The following TGFB2 variants were observed in gnomAD, a reference collection of about 807,000 sequenced individuals.
TGFB2 encodes transforming growth factor beta 2.
Under a neutral mutation model 42.7 loss-of-function variants are expected in TGFB2, and 13 were observed. That is an observed-to-expected ratio of 0.30 (90% confidence interval 0.20 to 0.48). The LOEUF (loss-of-function observed/expected upper bound fraction) is 0.48. Among genes scored for constraint, TGFB2 ranks in the 20% least tolerant of loss-of-function variants. The pLI, the probability that TGFB2 is intolerant of heterozygous loss-of-function variation, is 0.99. For missense variants in TGFB2, 390 were observed against 517.5 expected (o/e 0.75, Z 2.39); for synonymous variants, 193 against 193.6 (o/e 1.00, Z 0.03).
chr1:218,389,357 A>G (rs1231604415), intron 1 of TGFB2, among the ~76,000 whole-genome samples: 1 of 152,144 alleles, frequency 6.6e-6, no homozygotes, highest in African/African-American at 2.4e-5. Flanking sequence ...AAGATGACAG[A>G]TTCAGTATCT....
At chr1:218,376,350 G>A (rs904191706) in intron 1 of TGFB2, among the ~76,000 whole-genome samples, 1 of 152,116 alleles carries the variant, frequency 6.6e-6, no homozygotes, top group Non-Finnish European at 1.5e-5. Context: ...TTCACTTTAA[G>A]CTCTGCCTGG....
At chr1:218,396,946 T>G (rs1658531707) in intron 1 of TGFB2, among the ~76,000 whole-genome samples, 1 of 152,192 alleles carries the variant, frequency 6.6e-6, no homozygotes, top group Non-Finnish European at 1.5e-5. Flanking sequence ...CTTACTCTTT[T>G]TTTCTAGGTA....
intron 1 of TGFB2, among the ~76,000 whole-genome samples, chr1:218,366,474 T>TA (rs758194968): frequency 5.1e-4 from 77 of 151,150 alleles, no homozygotes; most frequent in African/African-American, 6.1e-4. Flanking sequence ...ACTGGCTAAT[T>TA]AAAAAAAAAA....
chr1:218,422,674 G>A (rs983276204), intron 2 of TGFB2, among the ~76,000 whole-genome samples: 2 of 152,092 alleles, frequency 1.3e-5, no homozygotes, highest in East Asian at 1.9e-4. Flanking sequence ...TAGATGCCCT[G>A]CCTGTAACAT....
intron 1 of TGFB2, among the ~76,000 whole-genome samples, chr1:218,368,585 G>T (rs774655913): frequency 4.6e-5 from 7 of 152,242 alleles, no homozygotes; most frequent in Non-Finnish European, 8.8e-5. Flanking sequence ...TAAGAATTTA[G>T]AATTGGATAA....
chr1:218,386,003 G>C (rs1175389592), intron 1 of TGFB2, among the ~76,000 whole-genome samples: 1 of 152,110 alleles, frequency 6.6e-6, no homozygotes. Flanking sequence ...CCTGTCATAA[G>C]ATCCTGGCTA....
intron 1 of TGFB2, among the ~76,000 whole-genome samples, chr1:218,349,582 T>C (rs565768228): frequency 2.0e-5 from 3 of 152,328 alleles, no homozygotes; most frequent in African/African-American, 4.8e-5. Context: ...CATCAACTTA[T>C]TAGCGTTCAG....
chr1:218,422,378 C>T (rs139062863), intron 2 of TGFB2, among the ~76,000 whole-genome samples: 1 of 152,042 alleles, frequency 6.6e-6, no homozygotes, highest in East Asian at 1.9e-4. Flanking sequence ...CCACCATGTC[C>T]AGCTAATTTT....
intron 2 of TGFB2, among the ~76,000 whole-genome samples, chr1:218,425,954 T>A (rs1322733555): frequency 2.6e-5 from 4 of 152,244 alleles, no homozygotes; most frequent in Non-Finnish European, 4.4e-5. Flanking sequence ...TGTTCATCAC[T>A]ACTTGCAAGT....
intron 2 of TGFB2, among the ~76,000 whole-genome samples, chr1:218,424,201 T>G (rs1659546563): frequency 6.6e-6 from 1 of 152,082 alleles, no homozygotes; most frequent in Non-Finnish European, 1.5e-5. Flanking sequence ...CAGGTTCTGG[T>G]TTTGGCCTTA....
chr1:218,387,015 G>A (rs1426093633), intron 1 of TGFB2, among the ~76,000 whole-genome samples: 1 of 152,172 alleles, frequency 6.6e-6, no homozygotes, highest in Non-Finnish European at 1.5e-5. Flanking sequence ...ATAAGTGCCA[G>A]GATGCAAAGA....
rs2102612918 is a variant in TGFB2 at position 218,421,611 on chromosome 1, T to C, written c.511-12471T>C. 2.6e-5 allele frequency among the ~76,000 whole-genome samples: 4 copies of C among 152,210 alleles called. No individual in the cohort carries two copies. The Middle Eastern group carries it at 0.014, about 518-fold the overall frequency. On this transcript the variant is annotated intron_variant, in intron 2 of 6. Transcript: ENST00000366930. ...TACTCCCCACAGTATAATTTATGAA[T>C]CACTACTGTTAGAAGTGGGATTGTG...
intron 1 of TGFB2, among the ~76,000 whole-genome samples, chr1:218,377,421 G>A (rs887613435): frequency 3.3e-5 from 5 of 152,178 alleles, no homozygotes; most frequent in South Asian, 2.1e-4. Context: ...AGTGCTTTAC[G>A]TGGCTTTGAA....
rs572787555 is a variant in TGFB2, at chr1:218,429,250, G to A, written c.511-4832G>A. On this transcript the variant is annotated intron_variant, in intron 2 of 6. Transcript: ENST00000366930. ...CCTGCCTTGGCCTCCCAAAGAGCTG[G>A]GATTACAGGCGTGAGCCACTGTGCC... 3.8e-3 allele frequency among the ~76,000 whole-genome samples: 575 copies of A among 152,204 alleles called. 4 individuals are homozygous for A. The highest frequency in any genetic ancestry group is 5.7e-3 in the Non-Finnish European group (388 of 68,000).
chr1:218,352,592 C>G (rs1308066780), intron 1 of TGFB2, among the ~76,000 whole-genome samples: 1 of 152,154 alleles, frequency 6.6e-6, no homozygotes, highest in Non-Finnish European at 1.5e-5. Flanking sequence ...CATGCTACAA[C>G]CACAAGCTGC....
At chr1:218,395,019 C>G (rs1006947068) in intron 1 of TGFB2, among the ~76,000 whole-genome samples, 20 of 152,222 alleles carry the variant, frequency 1.3e-4, no homozygotes, top group African/African-American at 4.8e-4. Context: ...GAATGAGGGG[C>G]CACTACACAT....
At chr1:218,392,878 C>T (rs866385621) in intron 1 of TGFB2, among the ~76,000 whole-genome samples, 8 of 152,306 alleles carry the variant, frequency 5.3e-5, no homozygotes, top group Middle Eastern at 6.8e-3. Context: ...AAACAGCTTG[C>T]AATCCTAGCA....
chr1:218,381,514 A>G (rs1483074942), intron 1 of TGFB2, among the ~76,000 whole-genome samples: 1 of 152,116 alleles, frequency 6.6e-6, no homozygotes, highest in African/African-American at 2.4e-5. Flanking sequence ...TCGGCCTCCC[A>G]AAGTGCTGGG....
At position 218,443,639 on chromosome 1, in the gene TGFB2, A is replaced by C. The variant is rs756746142; in HGVS notation, c.*2277A>C. 1 of 150,148 alleles carries C rather than the reference A, an allele frequency of 6.7e-6. No homozygotes were observed. The highest frequency in any genetic ancestry group is 2.4e-5 in the African/African-American group (1 of 40,848). The allele number at this position is 150,148 out of a possible 1,614,324, so 9.3% of individuals were successfully genotyped here. A position where few individuals can be genotyped will look rare whatever the true frequency, so the allele number is the denominator to read the frequency against. On this transcript the variant is annotated 3_prime_UTR_variant, in exon 7 of 7. Transcript: ENST00000366930. ...CAGATAGGATGACATTTTGTTTTGTATTATTTTGTCTTTCCTCATGAATGC... is the reference window on the plus strand; with the variant it reads ...CAGATAGGATGACATTTTGTTTTGTCTTATTTTGTCTTTCCTCATGAATGC...
Sources: allele counts gnomAD v4.1 joint callset (sites outside exome capture counted in the v4.1 genomes callset), GRCh38; gene constraint gnomAD v4.1.1; transcripts MANE v1.5; gene names NCBI Gene and HGNC (gene_info 2026-07-23, HGNC 2026-07-21).